The following NPTX2 variants were observed in gnomAD, a reference collection of about 807,000 sequenced individuals.
The protein encoded by NPTX2 is neuronal pentraxin-2.
A neutral mutation model predicts 38.1 loss-of-function variants in NPTX2; 23 were observed. The ratio of observed to expected loss-of-function variants is 0.60; its 90% CI spans 0.43 to 0.85. The LOEUF is 0.85. Ranked by LOEUF, NPTX2 falls within the 40% of genes least tolerant of loss-of-function variation. The pLI is 0.00. For synonymous variants in NPTX2, 291 were observed against 287.3 expected (o/e 1.01, Z -0.13); for missense variants, 553 against 615.3 (o/e 0.90, Z 1.07).
Position 98,617,509 on chromosome 7 carries a change from G to T in NPTX2, c.48G>T (p.Gly16=). 7.6e-7 allele frequency: 1 copy of T among 1,312,844 alleles called. No homozygotes were observed. The highest frequency in any genetic ancestry group is 9.7e-7 in the Non-Finnish European group (1 of 1,032,678). The allele number at this position is 1,312,844 out of a possible 1,614,324, so 81.3% of individuals were successfully genotyped here. A position where few individuals can be genotyped will look rare whatever the true frequency, so the allele number is the denominator to read the frequency against. Residue 16 remains glycine (G), a synonymous_variant, in exon 1 of 5, where the codon GGG becomes GGT. Coordinates refer to ENST00000265634, the MANE Select transcript of NPTX2 (RefSeq NM_002523.3). ...GCGTGGCGCTCGCCGTGGCCGCTGG[G>T]GCCCAGGACAGCCCGGCGCCCGGTA... ...AASVALAVAA[G]AQDSPAPGSR... is the part of the protein sequence containing the mutation.
intron 1 of NPTX2, among the ~76,000 whole-genome samples, 169 bp downstream of exon 1, chr7:98,618,056 G>C (rs1259092794): frequency 6.6e-6 from 1 of 152,160 alleles, no homozygotes; most frequent in Admixed American, 6.5e-5. Context: ...TCCTGCTCGG[G>C]AACTCCCCTG....
At chr7:98,621,725 T>A (rs914078445) in intron 2 of NPTX2, among the ~76,000 whole-genome samples, 7 of 152,224 alleles carry the variant, frequency 4.6e-5, no homozygotes, top group Admixed American at 3.9e-4. Context: ...AGGGACCAGA[T>A]GCTTGGCTGT....
rs944982725 is a variant in NPTX2, at chr7:98,617,946, G to A, written c.426+59G>A. On this transcript the variant is annotated intron_variant, in intron 1 of 4. Transcript: ENST00000265634. ...ATGGGGACGCTCCCGAGTCGGGGGC[G>A]GAAGACTCGGGAGGATGGGGAAAGG... 6.0e-6 allele frequency: 9 copies of A among 1,495,764 alleles called. No homozygotes were observed. In the African/African-American group the frequency reaches 1.3e-4, roughly 21 times the overall value. 92.7% of individuals were successfully genotyped at this position (1,495,764 alleles called of 1,614,324 possible).
At chr7:98,620,696 A>T (rs1340078013) in intron 2 of NPTX2, among the ~76,000 whole-genome samples, 1 of 152,078 alleles carries the variant, frequency 6.6e-6, no homozygotes, top group Admixed American at 6.6e-5. Context: ...CCCTCCTCCC[A>T]TGACAGGAGG....
At chr7:98,618,034 C>T in intron 1 of NPTX2, 147 bp downstream of exon 1, 1 of 776,534 alleles carries the variant, frequency 1.3e-6, no homozygotes, top group South Asian at 1.9e-5. Context: ...GGGTGAAAGG[C>T]GGGGATCTAG....
In NPTX2 at chr7:98,627,312, C is replaced by T. The variant is rs1791367495; in HGVS notation, c.1036C>T (p.Pro346Ser). 3 of 1,613,692 alleles carry T rather than the reference C, an allele frequency of 1.9e-6. No homozygotes were observed. Among genetic ancestry groups the T allele is most frequent in the African/African-American group, 1.3e-5 (1 of 74,944 alleles). ...ENLAPWHPIK[P>S]GGVLILGQEQ... ...CCTGGCCCCCTGGCACCCCATCAAG[C>T]CCGGGGGCGTGCTGATCCTTGGACA... The change falls in exon 4 of 5, where the codon CCC (proline) becomes TCC (serine). Residue 346 changes from proline to serine, a missense_variant. Coordinates refer to ENST00000265634, the MANE Select transcript of NPTX2 (RefSeq NM_002523.3).
intron 2 of NPTX2, among the ~76,000 whole-genome samples, chr7:98,620,327 C>T (rs1405575063): frequency 6.6e-6 from 1 of 152,088 alleles, no homozygotes; most frequent in East Asian, 1.9e-4. Flanking sequence ...TTCCCAGATG[C>T]ACTAAGCTGA....
chr7:98,619,303 G>GA (rs1033299648), intron 1 of NPTX2, among the ~76,000 whole-genome samples: 161 of 151,622 alleles, frequency 1.1e-3, no homozygotes, highest in African/African-American at 3.4e-3. Flanking sequence ...TCTTAAAAAA[G>GA]AAAAAAAATC....
At chr7:98,618,872 T>C (rs1791226744) in intron 1 of NPTX2, among the ~76,000 whole-genome samples, 1 of 152,042 alleles carries the variant, frequency 6.6e-6, no homozygotes, top group Non-Finnish European at 1.5e-5. Flanking sequence ...TATCCCCTGA[T>C]TCATTGTGAT....
chr7:98,619,764 A>T lies in NPTX2; in HGVS notation c.548A>T (p.Glu183Val). 1 of 1,613,662 alleles carries T rather than the reference A, an allele frequency of 6.2e-7. No individual in the cohort carries two copies. Among genetic ancestry groups the T allele is most frequent in the Non-Finnish European group, 8.5e-7 (1 of 1,180,038 alleles). Residue 183 changes from glutamate to valine, a missense_variant, in exon 2 of 5, where the codon GAG becomes GTG. Transcript: ENST00000265634. Reference sequence around the variant, plus strand: ...CGCAAGGTGGCAGAGCTGGAGGACGAGAAGTCCCTGCTGCACAATGAGACC... The same window carrying T: ...CGCAAGGTGGCAGAGCTGGAGGACGTGAAGTCCCTGCTGCACAATGAGACC... The part of the protein sequence containing the change: ...LLRKVAELED[E>V]KSLLHNETSA...
At chr7:98,625,618 T>A (rs1023016315) in intron 3 of NPTX2, among the ~76,000 whole-genome samples, 1 of 152,140 alleles carries the variant, frequency 6.6e-6, no homozygotes, top group Non-Finnish European at 1.5e-5. Context: ...CCCATTTTAA[T>A]GTACAATTCA....
rs867929563 is a variant in NPTX2, at chr7:98,617,467, G to T, written c.6G>T (p.Leu2=). M[L]ALLAASVALA... ...AGCGCGGCAGCGGCGGCGGGATGCT[G>T]GCGCTGCTGGCCGCCAGCGTGGCGC... The change falls in exon 1 of 5, where the codon CTG becomes CTT. Residue 2 remains leucine (L), a synonymous_variant. Transcript: ENST00000265634. 7.2e-5 allele frequency: 81 copies of T among 1,132,210 alleles called. No homozygotes were observed. In the African/African-American group the frequency reaches 1.3e-3, roughly 17 times the overall value. 70.1% of individuals were successfully genotyped at this position (1,132,210 alleles called of 1,614,324 possible). A position where few individuals can be genotyped will look rare whatever the true frequency, so the allele number is the denominator to read the frequency against.
In NPTX2 at chr7:98,623,275, A is replaced by C. The variant is rs558605132; in HGVS notation, c.644-1647A>C. Among the ~76,000 whole-genome samples, 83 of 152,320 alleles carry C rather than the reference A, an allele frequency of 5.4e-4. 1 individual carries two copies. The highest frequency in any genetic ancestry group is 3.4e-3 in the Middle Eastern group (1 of 292). On this transcript the variant is annotated intron_variant, in intron 2 of 4. Transcript: ENST00000265634. ...GGCCGCCTTTGCCATGACAGCTGGCACAATCAAATGGTGTCCTGCAAACTT... is the reference window on the plus strand; with the variant it reads ...GGCCGCCTTTGCCATGACAGCTGGCCCAATCAAATGGTGTCCTGCAAACTT...
chr7:98,628,568 T>C lies in NPTX2; in HGVS notation c.1235T>C (p.Val412Ala). Residue 412 changes from valine (V) to alanine (A), a missense_variant, in exon 5 of 5, where the codon GTG (valine) becomes GCG (alanine). Val to Ala is a moderately conservative substitution (Grantham distance 64). Coordinates refer to ENST00000265634, the MANE Select transcript of NPTX2 (RefSeq NM_002523.3). ...IIPWVDNNVDVFGGASKWPVE... is the reference protein window; with the variant it reads ...IIPWVDNNVDAFGGASKWPVE... ...CCGTGGGTGGACAATAACGTCGATGTGTTCGGAGGGGCCTCCAAGTGGCCC... is the reference window on the plus strand; with the variant it reads ...CCGTGGGTGGACAATAACGTCGATGCGTTCGGAGGGGCCTCCAAGTGGCCC... 6.2e-7 allele frequency: 1 copy of C among 1,609,086 alleles called. No individual in the cohort carries two copies. Among genetic ancestry groups the C allele is most frequent in the Middle Eastern group, 1.7e-4 (1 of 6,044 alleles).
chr7:98,617,612 G>A lies in NPTX2; in HGVS notation c.151G>A (p.Gly51Ser). 1 of 1,490,638 alleles carries A rather than the reference G, an allele frequency of 6.7e-7. No individual in the cohort carries two copies. The highest frequency in any genetic ancestry group is 8.9e-7 in the Non-Finnish European group (1 of 1,127,946). 92.3% of individuals were successfully genotyped at this position (1,490,638 alleles called of 1,614,324 possible). Residue 51 changes from glycine (G) to serine (S), a missense_variant, in exon 1 of 5, where the codon GGC becomes AGC. Gly to Ser is a moderately conservative substitution (Grantham distance 56). Transcript: ENST00000265634. ...CPLPAMPMQG[G>S]AQSPEEELRA... is the part of the protein sequence containing the mutation. ...GCTGCCCGCGATGCCCATGCAGGGC[G>A]GCGCGCAGAGTCCCGAGGAGGAGCT...
chr7:98,617,728 C>T lies in NPTX2; in HGVS notation c.267C>T (p.Gly89=). The T allele has an allele frequency of 7.0e-7, 1 of 1,422,086 alleles. No homozygotes were observed. Among genetic ancestry groups the T allele is most frequent in the Non-Finnish European group, 9.1e-7 (1 of 1,100,526 alleles). The allele number at this position is 1,422,086 out of a possible 1,614,324, so 88.1% of individuals were successfully genotyped here. A position where few individuals can be genotyped will look rare whatever the true frequency, so the allele number is the denominator to read the frequency against. The change falls in exon 1 of 5, where the codon GGC becomes GGT. Residue 89 remains glycine, a synonymous_variant. Coordinates refer to ENST00000265634, the MANE Select transcript of NPTX2 (RefSeq NM_002523.3). ...GCGAGGCCATCCGCGAGCTCACGGG[C>T]AAGCTAGCGCGCTGCGAGGGGCTGG... is the stretch of plus-strand genomic sequence containing the variant. ...AQREAIRELT[G]KLARCEGLAG...
chr7:98,621,622 G>A (rs1266531094), intron 2 of NPTX2, among the ~76,000 whole-genome samples: 1 of 152,218 alleles, frequency 6.6e-6, no homozygotes, highest in Non-Finnish European at 1.5e-5. Flanking sequence ...GACACATCCA[G>A]CTGAACCCAG....
chr7:98,624,996 A>G lies in NPTX2; in HGVS notation c.718A>G (p.Ile240Val), dbSNP rs1173215674. Residue 240 changes from isoleucine to valine, a missense_variant, in exon 3 of 5, where the codon ATC becomes GTC. Transcript: ENST00000265634. The stretch of plus-strand genomic sequence containing the variant: ...CCGCACAAACTACCTATACGGCAAG[A>G]TCAAGAAGACGCTGCCTGAGCTGTA... The part of the protein sequence containing the change: ...PLRTNYLYGK[I>V]KKTLPELYAF... 1 of 1,613,936 alleles carries G rather than the reference A, an allele frequency of 6.2e-7. No homozygotes were observed.
chr7:98,620,526 C>T (rs1791254969), intron 2 of NPTX2, among the ~76,000 whole-genome samples: 1 of 152,188 alleles, frequency 6.6e-6, no homozygotes, highest in Non-Finnish European at 1.5e-5. Flanking sequence ...ACAGAAAAAC[C>T]TATCCTTTCT....
Sources: gnomAD v4.1 joint callset for allele counts (sites outside exome capture counted in the v4.1 genomes callset) on GRCh38, gnomAD v4.1.1 for gene constraint, MANE v1.5 for transcripts, NCBI Gene and HGNC (gene_info 2026-07-23, HGNC 2026-07-21) for gene names.